The following ATP8A2 variants were observed in gnomAD, a reference collection of about 807,000 sequenced individuals.
ATP8A2 encodes the protein phospholipid-transporting ATPase IB.
In ATP8A2, 100 loss-of-function variants were observed where a neutral mutation model predicts 165.6. The ratio of observed to expected loss-of-function variants is 0.60; its 90% confidence interval spans 0.51 to 0.71. The LOEUF is 0.71. Among genes scored for constraint, ATP8A2 ranks in the 30% least tolerant of loss-of-function variants. The pLI is 0.00. For synonymous variants in ATP8A2, 543 were observed against 548.8 expected, an observed-to-expected ratio of 0.99 and a Z score of 0.15; for missense variants, 1,227 against 1,479.5, an observed-to-expected ratio of 0.83 and a Z score of 2.80.
chr13:25,609,405 A>G (rs149761263), intron 24 of ATP8A2, among the ~76,000 whole-genome samples: 1,856 of 151,716 alleles, frequency 0.012, 13 homozygotes, highest in Non-Finnish European at 0.018. Context: ...TAGATTTGCA[A>G]CTATTAAAGG....
intron 27 of ATP8A2, among the ~76,000 whole-genome samples, chr13:25,803,303 G>T (rs1950660339): frequency 6.6e-6 from 1 of 152,108 alleles, no homozygotes; most frequent in African/African-American, 2.4e-5. Context: ...CAGGTGACAG[G>T]ATTGTACCAG....
At chr13:25,396,140 C>T (rs1000155619) in intron 1 of ATP8A2, among the ~76,000 whole-genome samples, 38 of 152,320 alleles carry the variant, frequency 2.5e-4, no homozygotes, top group African/African-American at 8.4e-4. Flanking sequence ...CCACGCCCAG[C>T]CCTGATCCAA....
At position 25,897,295 on chromosome 13, in the gene ATP8A2, T is replaced by C. The variant is rs994947221; in HGVS notation, c.3183+34887T>C. 3.3e-4 allele frequency among the ~76,000 whole-genome samples: 50 copies of C among 152,336 alleles called. 1 individual carries two copies. The highest frequency in any genetic ancestry group is 1.1e-3 in the African/African-American group (46 of 41,572). On this transcript the variant is annotated intron_variant, in intron 33 of 36. Transcript: ENST00000381655. ...TTTATTTCTCCTTCACTTACGAAGC[T>C]TAGTTTGGCTGGATATGAAATTCTG...
In ATP8A2 at chr13:25,612,508, T is replaced by C. The variant is rs534934112; in HGVS notation, c.2211+22809T>C. ...GTGTGGCCTGAGAGAGTACTTGATATAGTTTCAGTTTTCTTAAATTTACTG... is the reference window on the plus strand; with the variant it reads ...GTGTGGCCTGAGAGAGTACTTGATACAGTTTCAGTTTTCTTAAATTTACTG... On this transcript the variant is annotated intron_variant, in intron 24 of 36. Coordinates refer to ENST00000381655, the MANE Select transcript of ATP8A2 (RefSeq NM_016529.6). Among the ~76,000 whole-genome samples the C allele has an allele frequency of 1.3e-5, 2 of 152,304 alleles. 1 individual carries two copies. Among genetic ancestry groups the C allele is most frequent in the South Asian group, 4.1e-4 (2 of 4,826 alleles).
intron 18 of ATP8A2, among the ~76,000 whole-genome samples, chr13:25,572,065 A>G (rs921286752): frequency 3.9e-5 from 6 of 152,172 alleles, no homozygotes; most frequent in Non-Finnish European, 8.8e-5. Flanking sequence ...TTACTCAATG[A>G]AGCCTCACAG....
chr13:25,592,253 TTTAGTCC>T (rs2040105190), intron 24 of ATP8A2, among the ~76,000 whole-genome samples: 2 of 150,568 alleles, frequency 1.3e-5, no homozygotes, highest in Non-Finnish European at 2.9e-5. Flanking sequence ...TCTACCTCCC[TTTAGTCC>T]CTTAGACTGT....
chr13:25,402,363 T>C (rs1593259195), intron 1 of ATP8A2, among the ~76,000 whole-genome samples: 2 of 152,080 alleles, frequency 1.3e-5, no homozygotes, highest in Admixed American at 1.3e-4. Flanking sequence ...GAGAGCAAGG[T>C]GTCAGACACA....
At chr13:25,823,549 C>G (rs1329208996) in intron 27 of ATP8A2, among the ~76,000 whole-genome samples, 1 of 152,110 alleles carries the variant, frequency 6.6e-6, no homozygotes, top group Non-Finnish European at 1.5e-5. Flanking sequence ...CACTTTATTT[C>G]CCTAAGGACT....
At chr13:25,519,374 A>ATTT (rs144981491) in intron 2 of ATP8A2, among the ~76,000 whole-genome samples, 1 of 147,154 alleles carries the variant, frequency 6.8e-6, no homozygotes, top group African/African-American at 2.5e-5. Context: ...TATGTGTTCT[A>ATTT]TTTTTTTTTT....
At position 25,752,448 on chromosome 13, in the gene ATP8A2, AC is replaced by A. The variant is rs376224322; in HGVS notation, c.2385-16597del. On this transcript the variant is annotated intron_variant, in intron 25 of 36. Transcript: ENST00000381655. ...ACTCCAGCCGGGGCGACAGAGTGAGACTCTGAAAAAAAAGAAAGAAATTTAT... is the reference window on the plus strand; with the variant it reads ...ACTCCAGCCGGGGCGACAGAGTGAGATCTGAAAAAAAAGAAAGAAATTTAT... 1.7e-4 allele frequency among the ~76,000 whole-genome samples: 26 copies of A among 152,148 alleles called. No individual in the cohort carries two copies. The East Asian group carries it at 1.9e-3, about 11-fold the overall frequency.
chr13:25,673,636 A>G (rs1283955171), intron 24 of ATP8A2, among the ~76,000 whole-genome samples: 1 of 151,844 alleles, frequency 6.6e-6, no homozygotes, highest in Non-Finnish European at 1.5e-5. Flanking sequence ...CTTTTTTCCT[A>G]CCCCAGACAC....
intron 1 of ATP8A2, among the ~76,000 whole-genome samples, chr13:25,397,508 A>C (rs183816833): frequency 5.6e-4 from 86 of 152,220 alleles, no homozygotes; most frequent in Non-Finnish European, 3.1e-4. Flanking sequence ...GTGCACAGTC[A>C]CACTCCAGGA....
In ATP8A2 at chr13:25,481,040, C is replaced by T. The variant is rs532646950; in HGVS notation, c.221+11919C>T. Among the ~76,000 whole-genome samples the T allele has an allele frequency of 4.6e-5, 7 of 152,260 alleles. No individual in the cohort carries two copies. The South Asian group carries it at 1.0e-3, about 23-fold the overall frequency. On this transcript the variant is annotated intron_variant, in intron 2 of 36. Coordinates refer to ENST00000381655, the MANE Select transcript of ATP8A2 (RefSeq NM_016529.6). The stretch of plus-strand genomic sequence containing the variant: ...GCGTGGCAGCGCGCGCCTGCAATCA[C>T]AGGCACTAGGCAGGCTGAGGCAGGA...
intron 27 of ATP8A2, among the ~76,000 whole-genome samples, chr13:25,805,344 A>G (rs1039762092): frequency 6.6e-6 from 1 of 152,026 alleles, no homozygotes; most frequent in Non-Finnish European, 1.5e-5. Context: ...ATCTATCTCT[A>G]TAAAAAATGC....
At chr13:25,594,945 AAAC>A (rs2040193638) in intron 24 of ATP8A2, among the ~76,000 whole-genome samples, 1 of 151,010 alleles carries the variant, frequency 6.6e-6, no homozygotes, top group South Asian at 2.1e-4. Flanking sequence ...AATGCCCATC[AAAC>A]AACGAGTAGA....
At chr13:25,485,847 G>A (rs2036335425) in intron 2 of ATP8A2, among the ~76,000 whole-genome samples, 1 of 152,232 alleles carries the variant, frequency 6.6e-6, no homozygotes, top group Admixed American at 6.5e-5. Flanking sequence ...GGGAGCATAT[G>A]TGACCTCTTC....
chr13:25,538,529 A>G (rs1367877483), intron 7 of ATP8A2, among the ~76,000 whole-genome samples: 7 of 152,056 alleles, frequency 4.6e-5, no homozygotes, highest in Non-Finnish European at 1.0e-4. Context: ...CTCTTCATCC[A>G]TCCATGTTTT....
chr13:25,783,965 A>C (rs755946663), intron 27 of ATP8A2, among the ~76,000 whole-genome samples: 2 of 152,148 alleles, frequency 1.3e-5, no homozygotes, highest in Non-Finnish European at 2.9e-5. Context: ...AGGGGGTGAG[A>C]GGACAGGGAA....
At chr13:25,713,414 A>G (rs977248032) in intron 25 of ATP8A2, among the ~76,000 whole-genome samples, 2 of 152,168 alleles carry the variant, frequency 1.3e-5, no homozygotes, top group Non-Finnish European at 2.9e-5. Flanking sequence ...GAACAAATTT[A>G]TATTAGCCCA....
Sources: gnomAD v4.1 joint callset for allele counts (sites outside exome capture counted in the v4.1 genomes callset) on GRCh38, gnomAD v4.1.1 for gene constraint, MANE v1.5 for transcripts, NCBI Gene and HGNC (gene_info 2026-07-23, HGNC 2026-07-21) for gene names.